Variants in RUNX2 observed in about 807,000 individuals in gnomAD.
RUNX2 encodes runt-related transcription factor 2.
A neutral mutation model predicts 51.7 loss-of-function variants in RUNX2; 10 were observed. The ratio of observed to expected loss-of-function variants is 0.19; its 90% CI spans 0.12 to 0.33. RUNX2 has a LOEUF of 0.33. RUNX2 is among the 10% of genes least tolerant of loss of function. The pLI is 1.00. For synonymous variants in RUNX2, 276 were observed against 273.6 expected, an observed-to-expected ratio of 1.01 and a Z score of -0.09; for missense variants, 562 against 691.3, an observed-to-expected ratio of 0.81 and a Z score of 2.10.
Position 45,546,816 on chromosome 6 carries a change from A to G in RUNX2, c.1088-11A>G. 6.2e-7 allele frequency: 1 copy of G among 1,600,788 alleles called. No individual in the cohort carries two copies. The highest frequency in any genetic ancestry group is 8.6e-7 in the Non-Finnish European group (1 of 1,168,146). On this transcript the variant is annotated splice_polypyrimidine_tract_variant and intron_variant, in intron 8 of 8. Transcript: ENST00000647337. ...CAGATTTTTCCCTCCATCTTCTGTT[A>G]TAATTTTTAGGTGCTTCAGAACTGG...
At chr6:45,455,546 T>C (rs1799295108) in intron 5 of RUNX2, among the ~76,000 whole-genome samples, 1 of 152,196 alleles carries the variant, frequency 6.6e-6, no homozygotes, top group African/African-American at 2.4e-5. Context: ...TGAAATAACT[T>C]TGAGAGTCTA....
intron 7 of RUNX2, among the ~76,000 whole-genome samples, chr6:45,521,227 A>G (rs772477606): frequency 1.2e-4 from 18 of 152,240 alleles, no homozygotes; most frequent in Non-Finnish European, 2.4e-4. Context: ...TAGGAGAAAA[A>G]AAGGAAGAAA....
intron 5 of RUNX2, among the ~76,000 whole-genome samples, chr6:45,470,091 G>C (rs1446159097): frequency 1.3e-5 from 2 of 152,194 alleles, no homozygotes; most frequent in African/African-American, 2.4e-5. Context: ...GCAATGTGTA[G>C]TTTTCATGGT....
chr6:45,525,067 C>T (rs1039432905), intron 7 of RUNX2, among the ~76,000 whole-genome samples: 2 of 152,110 alleles, frequency 1.3e-5, no homozygotes, highest in African/African-American at 4.8e-5. Context: ...GCCAAGATTG[C>T]GTAATTGCAC....
intron 4 of RUNX2, among the ~76,000 whole-genome samples, chr6:45,434,955 G>C (rs1160389790): frequency 6.6e-6 from 1 of 152,114 alleles, no homozygotes; most frequent in Non-Finnish European, 1.5e-5. Context: ...TACTAAATTG[G>C]TTGGTAATTT....
At chr6:45,468,428 C>T (rs183582935) in intron 5 of RUNX2, among the ~76,000 whole-genome samples, 31 of 152,220 alleles carry the variant, frequency 2.0e-4, no homozygotes, top group Admixed American at 1.8e-3. Context: ...ATGTGTAAAA[C>T]CACCTTGAAT....
chr6:45,438,466 CT>C (rs1798751643), intron 5 of RUNX2, among the ~76,000 whole-genome samples: 1 of 152,176 alleles, frequency 6.6e-6, no homozygotes. Flanking sequence ...TGTGTTTTAG[CT>C]TTTTAACTCG....
chr6:45,335,260 T>C (rs547619985), intron 2 of RUNX2, among the ~76,000 whole-genome samples: 102 of 151,416 alleles, frequency 6.7e-4, no homozygotes, highest in African/African-American at 2.1e-3. Context: ...AAAGATATAA[T>C]TTTACTAAAT....
rs76892696 is a variant in RUNX2, at chr6:45,470,992, C to T, written c.686-20949C>T. The stretch of plus-strand genomic sequence containing the variant: ...CCCCAAATTTGAGATTTGACAAAAG[C>T]TTACATAATAATGGCATTGTGGGAA... On this transcript the variant is annotated intron_variant, in intron 5 of 8. Coordinates refer to ENST00000647337, the MANE Select transcript of RUNX2 (RefSeq NM_001024630.4). Among the ~76,000 whole-genome samples the T allele has an allele frequency of 6.3e-3, 962 of 152,232 alleles. 9 individuals are homozygous for T. The highest frequency in any genetic ancestry group is 0.022 in the African/African-American group (900 of 41,528).
At chr6:45,342,264 A>G (rs1789944490) in intron 2 of RUNX2, among the ~76,000 whole-genome samples, 1 of 152,002 alleles carries the variant, frequency 6.6e-6, no homozygotes, top group South Asian at 2.1e-4. Context: ...ATATAACACA[A>G]TCTCAATTTT....
intron 5 of RUNX2, among the ~76,000 whole-genome samples, chr6:45,482,211 A>T (rs2150400590): frequency 6.6e-6 from 1 of 152,304 alleles, no homozygotes; most frequent in South Asian, 2.1e-4. Context: ...AAATTTTTTA[A>T]TCCTTTTTTG....
intron 2 of RUNX2, among the ~76,000 whole-genome samples, chr6:45,401,753 A>G (rs1417255885): frequency 6.6e-6 from 1 of 152,256 alleles, no homozygotes; most frequent in Non-Finnish European, 1.5e-5. Context: ...TACAAATGCC[A>G]GTACATCTTC....
chr6:45,527,919 G>A (rs1339808705), intron 7 of RUNX2, among the ~76,000 whole-genome samples: 3 of 152,140 alleles, frequency 2.0e-5, no homozygotes. Context: ...TGCTAATAAA[G>A]ACATACCCAA....
intron 5 of RUNX2, among the ~76,000 whole-genome samples, chr6:45,466,734 A>C (rs753308394): frequency 3.9e-5 from 6 of 152,192 alleles, no homozygotes; most frequent in Non-Finnish European, 5.9e-5. Context: ...TCCATTAAAC[A>C]GATTTTTGTT....
intron 2 of RUNX2, among the ~76,000 whole-genome samples, chr6:45,411,069 C>T (rs962286572): frequency 2.0e-4 from 30 of 152,304 alleles, no homozygotes; most frequent in African/African-American, 7.0e-4. Context: ...GACCAAGTCT[C>T]CACTCCAATA....
At chr6:45,388,191 GA>G (rs1335373329) in intron 2 of RUNX2, among the ~76,000 whole-genome samples, 1 of 152,146 alleles carries the variant, frequency 6.6e-6, no homozygotes, top group African/African-American at 2.4e-5. Flanking sequence ...TCTTAAATTA[GA>G]AAAGAGGCAG....
chr6:45,515,675 G>C (rs987536183), intron 7 of RUNX2, among the ~76,000 whole-genome samples: 1 of 152,134 alleles, frequency 6.6e-6, no homozygotes, highest in South Asian at 2.1e-4. Flanking sequence ...GCAGTACCTA[G>C]CACATAGAAC....
At chr6:45,388,360 G>A (rs1210740477) in intron 2 of RUNX2, among the ~76,000 whole-genome samples, 2 of 152,182 alleles carry the variant, frequency 1.3e-5, no homozygotes, top group Non-Finnish European at 2.9e-5. Flanking sequence ...TGAGGAATAG[G>A]ACAGAGATAA....
At position 45,454,698 on chromosome 6, in the gene RUNX2, G is replaced by A. The variant is rs185242950; in HGVS notation, c.685+16647G>A. ...TTTATCTATGTATGTGTGTGTGTAT[G>A]TACTTTTGTTACAGCAATGAGGTCC... On this transcript the variant is annotated intron_variant, in intron 5 of 8. Coordinates refer to ENST00000647337, the MANE Select transcript of RUNX2 (RefSeq NM_001024630.4). 9.2e-5 allele frequency among the ~76,000 whole-genome samples: 14 copies of A among 152,300 alleles called. No homozygotes were observed. In the East Asian group the frequency reaches 1.9e-3, roughly 21 times the overall value.
Sources: allele counts gnomAD v4.1 joint callset (sites outside exome capture counted in the v4.1 genomes callset), GRCh38; gene constraint gnomAD v4.1.1; transcripts MANE v1.5; gene names NCBI Gene and HGNC (gene_info 2026-07-23, HGNC 2026-07-21).